ZCWPW2: variants seen among roughly 807,000 people sequenced by gnomAD.
ZCWPW2 encodes the protein zinc finger CW-type PWWP domain protein 2.
A neutral mutation model predicts 46.6 loss-of-function variants in ZCWPW2; 45 were observed. That is an observed-to-expected ratio of 0.96 (90% CI 0.76 to 1.24). ZCWPW2 has a LOEUF of 1.24. Among genes scored for constraint, ZCWPW2 ranks in the 50% most tolerant of loss-of-function variants. The pLI, the probability that ZCWPW2 is intolerant of heterozygous loss-of-function variation, is 0.00. For missense variants in ZCWPW2, 429 were observed against 403.9 expected (o/e 1.06, Z -0.53); for synonymous variants, 152 against 137.1 (o/e 1.11, Z -0.76).
chr3:28,408,470 A>G (rs910356619), intron 2 of ZCWPW2, among the ~76,000 whole-genome samples: 1 of 152,188 alleles, frequency 6.6e-6, no homozygotes, highest in Admixed American at 6.5e-5. Flanking sequence ...GAAATTTTCT[A>G]AAGTAACTTT....
At chr3:28,422,421 C>T (rs1005513612) in intron 3 of ZCWPW2, among the ~76,000 whole-genome samples, 4 of 152,102 alleles carry the variant, frequency 2.6e-5, no homozygotes, top group Non-Finnish European at 4.4e-5. Context: ...ATCTTTCTAC[C>T]GTCTTCATAG....
chr3:28,449,188 C>CA (rs1333365716), intron 4 of ZCWPW2, among the ~76,000 whole-genome samples: 10 of 151,940 alleles, frequency 6.6e-5, no homozygotes, highest in African/African-American at 1.7e-4. Flanking sequence ...TAGTCACATG[C>CA]AAAAAACTGA....
intron 5 of ZCWPW2, among the ~76,000 whole-genome samples, chr3:28,486,225 T>C (rs1230006666): frequency 6.6e-6 from 1 of 152,166 alleles, no homozygotes; most frequent in Non-Finnish European, 1.5e-5. Context: ...CTATGCCTTC[T>C]CATCCCTGGT....
At chr3:28,392,039 T>C (rs913476599) in intron 2 of ZCWPW2, among the ~76,000 whole-genome samples, 31 of 152,326 alleles carry the variant, frequency 2.0e-4, no homozygotes, top group African/African-American at 7.2e-4. Flanking sequence ...ATAGAGTAGC[T>C]GGATGGATTT....
chr3:28,449,213 C>T (rs1698130989), intron 4 of ZCWPW2, among the ~76,000 whole-genome samples: 2 of 152,046 alleles, frequency 1.3e-5, no homozygotes, highest in African/African-American at 4.8e-5. Context: ...AGACCCTTAC[C>T]TAAAATCATG....
chr3:28,391,592 C>T (rs1406552501), intron 2 of ZCWPW2, among the ~76,000 whole-genome samples: 1 of 152,194 alleles, frequency 6.6e-6, no homozygotes, highest in Admixed American at 6.5e-5. Flanking sequence ...CTAGTATCAG[C>T]AGTGTGGCTT....
chr3:28,398,551 C>G (rs1406055279), intron 2 of ZCWPW2, among the ~76,000 whole-genome samples: 4 of 152,138 alleles, frequency 2.6e-5, no homozygotes, highest in African/African-American at 9.7e-5. Flanking sequence ...AGAGGATCCA[C>G]AGACCCTCTG....
intron 9 of ZCWPW2, among the ~76,000 whole-genome samples, chr3:28,522,952 A>G (rs1284433783): frequency 6.6e-6 from 1 of 152,184 alleles, no homozygotes; most frequent in Non-Finnish European, 1.5e-5. Flanking sequence ...CTTTTCAAAA[A>G]TACAGCCAGA....
chr3:28,461,419 A>G (rs1575162550), intron 4 of ZCWPW2: 1 of 152,188 alleles, frequency 6.6e-6, no homozygotes, highest in African/African-American at 2.4e-5. Flanking sequence ...TCAGTGACCT[A>G]TGAAATACTT....
At chr3:28,488,770 A>G (rs1419112313) in intron 5 of ZCWPW2, among the ~76,000 whole-genome samples, 1 of 152,056 alleles carries the variant, frequency 6.6e-6, no homozygotes, top group African/African-American at 2.4e-5. Context: ...CCACATCTAC[A>G]TTTCCTGTTA....
At chr3:28,404,042 C>G (rs1464168517) in intron 2 of ZCWPW2, among the ~76,000 whole-genome samples, 1 of 151,990 alleles carries the variant, frequency 6.6e-6, no homozygotes, top group Non-Finnish European at 1.5e-5. Flanking sequence ...AGACAAATAG[C>G]TGGGACTTAA....
At chr3:28,456,926 A>G (rs914752630) in intron 4 of ZCWPW2, among the ~76,000 whole-genome samples, 1 of 152,098 alleles carries the variant, frequency 6.6e-6, no homozygotes, top group African/African-American at 2.4e-5. Context: ...ATTGGCCTGA[A>G]GTTTTCTTTT....
chr3:28,505,953 C>G (rs1355003279), intron 6 of ZCWPW2, among the ~76,000 whole-genome samples: 1 of 151,460 alleles, frequency 6.6e-6, no homozygotes, highest in Non-Finnish European at 1.5e-5. Flanking sequence ...TGGGCAATGT[C>G]AAGTCAGTTT....
At chr3:28,456,551 C>T (rs934812134) in intron 4 of ZCWPW2, among the ~76,000 whole-genome samples, 66 of 152,104 alleles carry the variant, frequency 4.3e-4, no homozygotes, top group African/African-American at 1.5e-3. Context: ...TATCTTGTTC[C>T]AGTTTTCAAG....
At chr3:28,493,291 C>A (rs1316990854) in intron 6 of ZCWPW2, among the ~76,000 whole-genome samples, 1 of 77,582 alleles carries the variant, frequency 1.3e-5, no homozygotes, top group Non-Finnish European at 2.5e-5. Context: ...CAATGCTATC[C>A]CTCCCCCCTC....
chr3:28,488,114 C>T (rs1053833546), intron 5 of ZCWPW2, among the ~76,000 whole-genome samples: 5 of 152,122 alleles, frequency 3.3e-5, no homozygotes, highest in Non-Finnish European at 7.4e-5. Context: ...ACACGTAAAA[C>T]TCAATAAAAG....
At chr3:28,457,101 G>A (rs1350381658) in intron 4 of ZCWPW2, among the ~76,000 whole-genome samples, 1 of 152,042 alleles carries the variant, frequency 6.6e-6, no homozygotes, top group East Asian at 1.9e-4. Context: ...GTATCTTCTA[G>A]TAAAGGATCA....
rs1057284607 is a variant in ZCWPW2, at chr3:28,483,635, T to A, written c.610+4704T>A. On this transcript the variant is annotated intron_variant, in intron 5 of 9. Transcript: ENST00000383768. ...CCATGAATGTGGAATATCTTCAAGTTTATTTAGTTCTTTTTTGATTTATTT... is the reference window on the plus strand; with the variant it reads ...CCATGAATGTGGAATATCTTCAAGTATATTTAGTTCTTTTTTGATTTATTT... Among the ~76,000 whole-genome samples the A allele has an allele frequency of 2.0e-5, 3 of 152,210 alleles. No homozygotes were observed. In the South Asian group the frequency reaches 6.2e-4, roughly 31 times the overall value.
intron 1 of ZCWPW2, among the ~76,000 whole-genome samples, chr3:28,375,376 G>C (rs913905523): frequency 7.2e-5 from 11 of 151,890 alleles, no homozygotes; most frequent in African/African-American, 2.7e-4. Flanking sequence ...CTTAACTACT[G>C]CCATTTTGTT....
Sources: allele counts gnomAD v4.1 joint callset (sites outside exome capture counted in the v4.1 genomes callset), GRCh38; gene constraint gnomAD v4.1.1; transcripts MANE v1.5; gene names NCBI Gene and HGNC (gene_info 2026-07-23, HGNC 2026-07-21).